MAST4: variants seen among roughly 807,000 people sequenced by gnomAD.
MAST4 encodes the protein microtubule associated serine/threonine kinase family member 4, also known as microtubule-associated serine/threonine-protein kinase 4.
In MAST4, 89 loss-of-function variants were observed where a neutral mutation model predicts 162.7. The observed-to-expected ratio is 0.55, with a 90% CI of 0.46 to 0.65. The LOEUF is 0.65. MAST4 is among the 30% of genes least tolerant of loss of function. The probability of loss-of-function intolerance (pLI) is 0.00; values close to 1 mark genes in which losing one functional copy is unlikely to be tolerated. For synonymous variants in MAST4, 1,479 were observed against 1,361.1 expected (o/e 1.09, Z -1.91); for missense variants, 3,153 against 3,374.0 (o/e 0.93, Z 1.62).
rs1774365820 is a variant in MAST4, at chr5:67,169,340, C to T, written c.*2289C>T. On this transcript the variant is annotated 3_prime_UTR_variant, in exon 29 of 29. Transcript: ENST00000403625. Reference sequence around the variant, plus strand: ...ACATGTTTGTTGTTGTAAACCTCTCCAATCAGCTGGTAGAAATTCTCCTCA... The same window carrying T: ...ACATGTTTGTTGTTGTAAACCTCTCTAATCAGCTGGTAGAAATTCTCCTCA... The T allele has an allele frequency of 1.3e-5, 2 of 152,162 alleles. No homozygotes were observed. The highest frequency in any genetic ancestry group is 4.1e-4 in the South Asian group (2 of 4,828). 9.4% of individuals were successfully genotyped at this position (152,162 alleles called of 1,614,324 possible). A position where few individuals can be genotyped will look rare whatever the true frequency, so the allele number is the denominator to read the frequency against.
chr5:66,793,675 A>G (rs566576122), intron 3 of MAST4, among the ~76,000 whole-genome samples: 94 of 152,302 alleles, frequency 6.2e-4, no homozygotes, highest in African/African-American at 2.1e-3. Flanking sequence ...CACCATGAAC[A>G]TTAGTTTCTG....
intron 2 of MAST4, among the ~76,000 whole-genome samples, chr5:66,762,009 TTTTGCTAAA>T (rs1753873115): frequency 6.6e-6 from 1 of 152,208 alleles, no homozygotes; most frequent in Non-Finnish European, 1.5e-5. Context: ...TTCTATCCAT[TTTTGCTAAA>T]GCAGTTTACA....
At chr5:66,815,477 T>C (rs1333883980) in intron 3 of MAST4, among the ~76,000 whole-genome samples, 1 of 152,222 alleles carries the variant, frequency 6.6e-6, no homozygotes, top group Non-Finnish European at 1.5e-5. Flanking sequence ...TATGTATATA[T>C]TTTAATAGAA....
intron 1 of MAST4, among the ~76,000 whole-genome samples, chr5:66,696,635 C>A (rs1749421591): frequency 6.6e-6 from 1 of 152,216 alleles, no homozygotes; most frequent in South Asian, 2.1e-4. Context: ...CATTCATGGT[C>A]ATACTCTATG....
intron 3 of MAST4, among the ~76,000 whole-genome samples, chr5:66,805,827 C>T (rs1756157598): frequency 1.3e-5 from 2 of 152,192 alleles, no homozygotes; most frequent in African/African-American, 2.4e-5. Flanking sequence ...TTTTCAGAGA[C>T]AGGCGTTGAG....
rs1403970015 is a variant in MAST4 at position 67,100,560 on chromosome 5, C to T, written c.1038C>T (p.Asn346=). 2.5e-6 allele frequency: 4 copies of T among 1,613,916 alleles called. No homozygotes were observed. Among genetic ancestry groups the T allele is most frequent in the South Asian group, 1.1e-5 (1 of 91,060 alleles). The change falls in exon 8 of 29, where the codon AAC becomes AAT. Residue 346 remains asparagine, a synonymous_variant. Transcript: ENST00000403625. ...TCGCCACTGAGAACAGATGCAGGAA[C>T]ACGCCGATGCGCCCCCGTTCCCGAA... The part of the protein sequence containing the change: ...ESIATENRCR[N]TPMRPRSRSL...
intron 3 of MAST4, among the ~76,000 whole-genome samples, chr5:66,836,132 C>T (rs1460373227): frequency 6.6e-6 from 1 of 151,436 alleles, no homozygotes; most frequent in Non-Finnish European, 1.5e-5. Context: ...GTTCGTGCCA[C>T]TGCACTCCAG....
intron 3 of MAST4, among the ~76,000 whole-genome samples, chr5:66,828,086 A>G (rs529871564): frequency 5.9e-5 from 9 of 152,166 alleles, no homozygotes; most frequent in African/African-American, 2.2e-4. Context: ...CCTCCACCCA[A>G]CCTTTTTACA....
At chr5:66,965,111 CTTA>C (rs954474362) in intron 4 of MAST4, among the ~76,000 whole-genome samples, 6 of 150,094 alleles carry the variant, frequency 4.0e-5, no homozygotes, top group African/African-American at 1.5e-4. Flanking sequence ...TGGGATTATA[CTTA>C]TTATTGTAAA....
intron 5 of MAST4, among the ~76,000 whole-genome samples, chr5:67,083,478 C>T (rs1467888897): frequency 6.6e-6 from 1 of 152,042 alleles, no homozygotes; most frequent in Non-Finnish European, 1.5e-5. Flanking sequence ...AATACTTTCT[C>T]TTTGACTAGA....
At chr5:66,954,417 T>C (rs1235752841) in intron 4 of MAST4, among the ~76,000 whole-genome samples, 1 of 152,162 alleles carries the variant, frequency 6.6e-6, no homozygotes, top group East Asian at 1.9e-4. Context: ...GAATTGGTGG[T>C]TTCTGCAATA....
chr5:67,028,501 T>C (rs1362219059), intron 4 of MAST4, among the ~76,000 whole-genome samples: 1 of 152,120 alleles, frequency 6.6e-6, no homozygotes, highest in Non-Finnish European at 1.5e-5. Flanking sequence ...CATCACGGGC[T>C]TCTGGGGCAG....
intron 1 of MAST4, among the ~76,000 whole-genome samples, chr5:66,672,948 G>A (rs986285023): frequency 2.6e-5 from 4 of 152,286 alleles, no homozygotes; most frequent in African/African-American, 9.6e-5. Context: ...ATCCCTGTCA[G>A]CCCTTGGTGT....
rs535130264 is a variant in MAST4, at chr5:67,139,037, T to C, written c.2494+2373T>C. On this transcript the variant is annotated intron_variant, in intron 19 of 28. Transcript: ENST00000403625. ...TGTTGATTGCTACTTTCAGTCTTTT[T>C]AGGGTTTGACAGTTTGAAGAACAAA... Among the ~76,000 whole-genome samples the C allele has an allele frequency of 5.3e-5, 8 of 152,326 alleles. No individual in the cohort carries two copies. The South Asian group carries it at 1.7e-3, about 32-fold the overall frequency.
intron 1 of MAST4, among the ~76,000 whole-genome samples, chr5:66,631,560 GC>G (rs1273470250): frequency 6.6e-6 from 1 of 152,066 alleles, no homozygotes; most frequent in Non-Finnish European, 1.5e-5. Flanking sequence ...ATTACGTAAT[GC>G]CTTTTGTGCG....
At chr5:67,115,479 T>C (rs977437808) in intron 12 of MAST4, among the ~76,000 whole-genome samples, 1 of 152,230 alleles carries the variant, frequency 6.6e-6, no homozygotes, top group African/African-American at 2.4e-5. Context: ...AAATGATGCA[T>C]GCATTACTGT....
At chr5:67,075,928 C>T (rs1380886633) in intron 5 of MAST4, among the ~76,000 whole-genome samples, 1 of 151,898 alleles carries the variant, frequency 6.6e-6, no homozygotes, top group African/African-American at 2.4e-5. Context: ...AAAACAGAGC[C>T]AGGAATTCCT....
At chr5:67,123,872 G>A (rs142253603) in intron 14 of MAST4, among the ~76,000 whole-genome samples, 13 of 152,286 alleles carry the variant, frequency 8.5e-5, no homozygotes, top group African/African-American at 2.4e-4. Context: ...CCAAAGAGGC[G>A]CATGTGTGCA....
intron 4 of MAST4, among the ~76,000 whole-genome samples, chr5:66,947,311 A>G (rs984862035): frequency 1.3e-5 from 2 of 152,154 alleles, no homozygotes; most frequent in Non-Finnish European, 2.9e-5. Context: ...ATGTCAAGGA[A>G]CACTGAAATA....
Sources: allele counts gnomAD v4.1 joint callset (sites outside exome capture counted in the v4.1 genomes callset), GRCh38; gene constraint gnomAD v4.1.1; transcripts MANE v1.5; gene names NCBI Gene and HGNC (gene_info 2026-07-23, HGNC 2026-07-21).